Variants in NUP107 observed in about 807,000 individuals in gnomAD.
NUP107 encodes nucleoporin 107.
NUP107 carries 101 observed loss-of-function variants against 141.0 expected under a neutral mutation model. The observed-to-expected ratio is 0.72, with a 90% CI of 0.61 to 0.84. The LOEUF is 0.84. NUP107 is among the 40% of genes least tolerant of loss of function. The probability of loss-of-function intolerance (pLI) is 0.00; values close to 1 mark genes in which losing one functional copy is unlikely to be tolerated. For missense variants in NUP107, 941 were observed against 1,102.7 expected (o/e 0.85, Z 2.08); for synonymous variants, 319 against 363.9 (o/e 0.88, Z 1.41).
intron 20 of NUP107, among the ~76,000 whole-genome samples, chr12:68,728,675 G>C (rs548590283): frequency 1.6e-4 from 24 of 149,910 alleles, no homozygotes; most frequent in Non-Finnish European, 3.1e-4. Context: ...CTCCCAAAGA[G>C]CTGGGATTAC....
At chr12:68,726,365 G>A in intron 18 of NUP107, 134 bp from the exon 19 acceptor site, 1 of 626,790 alleles carries the variant, frequency 1.6e-6, no homozygotes, top group South Asian at 2.0e-5. Context: ...AGGGTGTAGA[G>A]TTATATCATG....
At chr12:68,735,163 T>A in intron 25 of NUP107, 68 bp from the exon 26 acceptor site, 1 of 1,042,000 alleles carries the variant, frequency 9.6e-7, no homozygotes, top group African/African-American at 1.6e-5. Flanking sequence ...TGTTCCTGTC[T>A]GTATTTTCCA....
rs769979175 is a variant in NUP107 at position 68,721,910 on chromosome 12, G to T, written c.1381G>T (p.Val461Leu). The T allele has an allele frequency of 1.2e-6, 2 of 1,614,092 alleles. No homozygotes were observed. The highest frequency in any genetic ancestry group is 1.7e-5 in the Admixed American group (1 of 60,014). ...AYFRVMVDSLVEQEIQTSVAT... is the reference protein window; with the variant it reads ...AYFRVMVDSLLEQEIQTSVAT... ...CTTCCGGGTGATGGTGGACAGTCTG[G>T]TAGAACAGGAGATCCAGACATCAGT... The change falls in exon 16 of 28, where the codon GTA becomes TTA. Residue 461 changes from valine (V) to leucine (L), a missense_variant. Transcript: ENST00000229179.
At position 68,713,715 on chromosome 12, in the gene NUP107, T is replaced by G; in HGVS notation, c.891-15T>G. On this transcript the variant is annotated splice_polypyrimidine_tract_variant and intron_variant, in intron 10 of 27. Transcript: ENST00000229179. ...ATTACCTCTTAAAAAATTTGGTACT[T>G]ATTATTTCTTTCAGGGAAAATACTC... is the stretch of plus-strand genomic sequence containing the variant. 6.3e-7 allele frequency: 1 copy of G among 1,580,090 alleles called. No individual in the cohort carries two copies. The highest frequency in any genetic ancestry group is 8.6e-7 in the Non-Finnish European group (1 of 1,165,042).
intron 26 of NUP107, among the ~76,000 whole-genome samples, chr12:68,738,303 A>G (rs1878163194): frequency 6.6e-6 from 1 of 150,800 alleles, no homozygotes; most frequent in South Asian, 2.1e-4. Flanking sequence ...ACAAAAAATT[A>G]GCCGGGTGTG....
At position 68,741,972 on chromosome 12, in the gene NUP107, CTG is replaced by C; in HGVS notation, c.2664_2665del (p.Tyr889ProfsTer5). 8.7e-6 allele frequency: 14 copies of C among 1,603,428 alleles called. No individual in the cohort carries two copies. The highest frequency in any genetic ancestry group is 1.3e-5 in the African/African-American group (1 of 74,550). On this transcript the variant is annotated frameshift_variant, in exon 27 of 28. Transcript: ENST00000229179. LOFTEE classifies it high-confidence loss of function. ...TATGGTATCCTCTGAGCGCCACAAA[CTG>C]TACCTGGTAAGTTCTAGAGCCTTGT... Reference protein sequence around the residue: ...ADMVSSERHKLYLVFSKEELR... With the variant: ...ADMVSSERHKXYLVFSKEELR...
intron 10 of NUP107, among the ~76,000 whole-genome samples, chr12:68,712,685 A>G (rs1401179426): frequency 2.0e-5 from 3 of 149,178 alleles, no homozygotes; most frequent in Admixed American, 6.7e-5. Flanking sequence ...GGTTTTTACA[A>G]TTTTTAATGA....
At chr12:68,739,254 G>A (rs1184540110) in intron 26 of NUP107, among the ~76,000 whole-genome samples, 2 of 152,090 alleles carry the variant, frequency 1.3e-5, no homozygotes, top group Non-Finnish European at 2.9e-5. Context: ...TTTCTTCATA[G>A]CACTTAGCAC....
intron 20 of NUP107, among the ~76,000 whole-genome samples, chr12:68,729,140 G>A (rs1359134201): frequency 1.3e-5 from 2 of 152,138 alleles, no homozygotes; most frequent in Admixed American, 6.6e-5. Context: ...AGCATCACAC[G>A]GCATTTTAAA....
At chr12:68,693,411 A>G (rs1875909994) in intron 5 of NUP107, among the ~76,000 whole-genome samples, 1 of 151,988 alleles carries the variant, frequency 6.6e-6, no homozygotes, top group Non-Finnish European at 1.5e-5. Flanking sequence ...CAGGGTCTAC[A>G]AAGACCAGCC....
Position 68,719,329 on chromosome 12 carries a change from T to C in NUP107, c.1084-12T>C, listed in dbSNP as rs1376935165. The C allele has an allele frequency of 1.2e-6, 2 of 1,611,512 alleles. No individual in the cohort carries two copies. Among genetic ancestry groups the C allele is most frequent in the South Asian group, 1.1e-5 (1 of 90,870 alleles). ...TGGTTATTGGACTGACTGCTCTTTC[T>C]TGTTTTCTAAGGCACAACGACTCTG... On this transcript the variant is annotated splice_polypyrimidine_tract_variant and intron_variant, in intron 12 of 27. Transcript: ENST00000229179.
chr12:68,709,250 A>G lies in NUP107; in HGVS notation c.742A>G (p.Ser248Gly). The change falls in exon 9 of 28, where the codon AGT (serine) becomes GGT (glycine). Residue 248 changes from serine to glycine, a missense_variant. By Grantham distance (56) the Ser-to-Gly change is moderately conservative. Coordinates refer to ENST00000229179, the MANE Select transcript of NUP107 (RefSeq NM_020401.4). The part of the protein sequence containing the change: ...SVFAVTAVNA[S>G]EKTVVEALFQ... The stretch of plus-strand genomic sequence containing the variant: ...TTTTTCATAATAGGCTGTTAATGCC[A>G]GTGAAAAAACAGTTGTGGAAGCGTT... 6.3e-7 allele frequency: 1 copy of G among 1,598,120 alleles called. No homozygotes were observed. The highest frequency in any genetic ancestry group is 8.5e-7 in the Non-Finnish European group (1 of 1,171,236).
At chr12:68,713,000 A>G (rs1252352328) in intron 10 of NUP107, among the ~76,000 whole-genome samples, 1 of 152,144 alleles carries the variant, frequency 6.6e-6, no homozygotes, top group Non-Finnish European at 1.5e-5. Flanking sequence ...GAATAGATAG[A>G]TGTATCTTAG....
intron 4 of NUP107, among the ~76,000 whole-genome samples, chr12:68,691,572 A>G: frequency 6.6e-6 from 1 of 152,172 alleles, no homozygotes; most frequent in Non-Finnish European, 1.5e-5. Context: ...GGTGGCTCAC[A>G]TCTGTAATCC....
Position 68,689,540 on chromosome 12 carries a change from A to T in NUP107, c.108A>T (p.Ala36=). The change falls in exon 3 of 28, where the codon GCA becomes GCT. Residue 36 remains alanine, a synonymous_variant. Transcript: ENST00000229179. ...TCTTAACTCGTTGTACAGTTCAGGC[A>T]TCTCAAGATGAAAATTTTGGTAATA... is the stretch of plus-strand genomic sequence containing the variant. ...QSAQKRVLLQ[A]SQDENFGNTT... The T allele has an allele frequency of 1.2e-6, 2 of 1,605,598 alleles. No homozygotes were observed. The highest frequency in any genetic ancestry group is 2.7e-5 in the African/African-American group (2 of 74,744).
intron 21 of NUP107, 61 bp from the exon 22 acceptor site, chr12:68,731,542 CTATT>C: frequency 2.3e-6 from 2 of 856,846 alleles, no homozygotes; most frequent in Non-Finnish European, 3.5e-6. Context: ...ATCATTATGA[CTATT>C]TAGAGAATAT....
At chr12:68,705,560 C>A in intron 8 of NUP107, 2 of 257,940 alleles carry the variant, frequency 7.8e-6, no homozygotes, top group East Asian at 9.6e-5. Context: ...AAAGAATCAC[C>A]AAGAAGCAGC....
At chr12:68,708,800 G>A (rs1425722215) in intron 8 of NUP107, among the ~76,000 whole-genome samples, 1 of 152,086 alleles carries the variant, frequency 6.6e-6, no homozygotes, top group Non-Finnish European at 1.5e-5. Context: ...TGTATTTTTA[G>A]TAGAGATGTG....
chr12:68,729,139 C>T (rs979675457), intron 20 of NUP107, among the ~76,000 whole-genome samples: 5 of 152,174 alleles, frequency 3.3e-5, no homozygotes, highest in South Asian at 2.1e-4. Context: ...TAGCATCACA[C>T]GGCATTTTAA....
Sources: allele counts gnomAD v4.1 joint callset (sites outside exome capture counted in the v4.1 genomes callset), GRCh38; gene constraint gnomAD v4.1.1; transcripts MANE v1.5; gene names NCBI Gene and HGNC (gene_info 2026-07-23, HGNC 2026-07-21).